HLCS: variants seen among roughly 807,000 people sequenced by gnomAD.
HLCS encodes the protein holocarboxylase synthetase, also known as biotin--protein ligase.
HLCS carries 53 observed loss-of-function variants against 75.0 expected under a neutral mutation model. That is an observed-to-expected ratio of 0.71 (90% CI 0.57 to 0.89). HLCS has a LOEUF of 0.89. HLCS is among the 40% of genes least tolerant of loss of function. The pLI is 0.00. For missense variants in HLCS, 966 were observed against 1,074.0 expected (o/e 0.90, Z 1.41); for synonymous variants, 431 against 428.6 (o/e 1.01, Z -0.07).
intron 8 of HLCS, among the ~76,000 whole-genome samples, chr21:36,760,783 C>T (rs1324024462): frequency 6.6e-6 from 1 of 152,196 alleles, no homozygotes. Flanking sequence ...TCCCTGTCAT[C>T]AGCTTACAGA....
chr21:36,955,254 A>T (rs2067879336), intron 2 of HLCS, among the ~76,000 whole-genome samples: 1 of 152,146 alleles, frequency 6.6e-6, no homozygotes, highest in African/African-American at 2.4e-5. Context: ...AGCCTAGACT[A>T]ATGTGTGTGT....
chr21:36,809,859 C>T (rs908673380), intron 6 of HLCS, among the ~76,000 whole-genome samples: 1 of 152,310 alleles, frequency 6.6e-6, no homozygotes, highest in Non-Finnish European at 1.5e-5. Flanking sequence ...CCACCTGAGC[C>T]TCCCCAGTAG....
At chr21:36,952,444 G>C (rs2067710531) in intron 2 of HLCS, among the ~76,000 whole-genome samples, 11 of 152,122 alleles carry the variant, frequency 7.2e-5, no homozygotes, top group African/African-American at 2.7e-4. Flanking sequence ...TAGTTAACTG[G>C]ACTGTGGCAA....
intron 6 of HLCS, among the ~76,000 whole-genome samples, chr21:36,811,548 C>G (rs1250547323): frequency 2.6e-5 from 4 of 152,196 alleles, no homozygotes; most frequent in African/African-American, 9.7e-5. Flanking sequence ...TAATGCATGT[C>G]CCATCTGCAA....
chr21:36,877,976 T>C (rs909246489), intron 6 of HLCS, among the ~76,000 whole-genome samples: 8 of 152,158 alleles, frequency 5.3e-5, no homozygotes, highest in African/African-American at 1.9e-4. Flanking sequence ...CTGCATGAAA[T>C]GCTGTTTTCC....
At chr21:36,781,444 G>C (rs1222064960) in intron 6 of HLCS, among the ~76,000 whole-genome samples, 1 of 151,946 alleles carries the variant, frequency 6.6e-6, no homozygotes, top group Non-Finnish European at 1.5e-5. Flanking sequence ...ATCTTGTGTT[G>C]ATTGTGCATA....
intron 5 of HLCS, among the ~76,000 whole-genome samples, chr21:36,917,891 G>A (rs1316623330): frequency 3.3e-5 from 5 of 150,354 alleles, no homozygotes; most frequent in Non-Finnish European, 7.4e-5. Flanking sequence ...AAATCCAAAC[G>A]AAGGTGTGAC....
chr21:36,869,412 G>T (rs1048740453), intron 6 of HLCS, among the ~76,000 whole-genome samples: 1 of 152,132 alleles, frequency 6.6e-6, no homozygotes, highest in Non-Finnish European at 1.5e-5. Context: ...GGTTACAGGC[G>T]TGAGCCACCG....
chr21:36,754,321 G>T lies in HLCS; in HGVS notation c.2547C>A (p.Gly849=). The part of the protein sequence containing the change: ...SGFLQVHQEG[G]EVVTVHPDGN... ...CGTCCGGGTGCACAGTCACAACCTC[G>T]CCGCCCTCCTGGTGAACCTGGAGGA... Residue 849 remains glycine, a synonymous_variant, in exon 11 of 11, where the codon GGC becomes GGA. Transcript: ENST00000674895. 1 of 1,613,996 alleles carries T rather than the reference G, an allele frequency of 6.2e-7. No individual in the cohort carries two copies. The highest frequency in any genetic ancestry group is 1.1e-5 in the South Asian group (1 of 91,042).
intron 6 of HLCS, among the ~76,000 whole-genome samples, chr21:36,787,326 T>C (rs1008076754): frequency 6.6e-6 from 1 of 152,152 alleles, no homozygotes; most frequent in African/African-American, 2.4e-5. Flanking sequence ...CCTCTGTTCC[T>C]AACCACAATG....
chr21:36,889,813 G>A (rs1338517622), intron 6 of HLCS, among the ~76,000 whole-genome samples: 1 of 152,164 alleles, frequency 6.6e-6, no homozygotes, highest in Non-Finnish European at 1.5e-5. Flanking sequence ...AAACCTACTA[G>A]GAAATAGCAC....
At chr21:36,896,813 A>G (rs1480514749) in intron 6 of HLCS, 47 bp downstream of exon 6, 2 of 1,605,336 alleles carry the variant, frequency 1.2e-6, no homozygotes, top group South Asian at 1.1e-5. Flanking sequence ...AGGATGATCA[A>G]TGGAACAGGA....
chr21:36,930,943 C>A (rs2066608893), intron 4 of HLCS, among the ~76,000 whole-genome samples: 1 of 152,188 alleles, frequency 6.6e-6, no homozygotes, highest in Admixed American at 6.5e-5. Context: ...GTTCCACACT[C>A]ATCAGTCATA....
intron 6 of HLCS, among the ~76,000 whole-genome samples, chr21:36,787,607 T>C (rs943521142): frequency 4.6e-5 from 7 of 152,162 alleles, no homozygotes; most frequent in African/African-American, 1.4e-4. Context: ...ATGGACATGA[T>C]GGAAAGCTCC....
At chr21:36,934,354 G>A (rs999738522) in intron 4 of HLCS, among the ~76,000 whole-genome samples, 3 of 152,186 alleles carry the variant, frequency 2.0e-5, no homozygotes, top group East Asian at 1.9e-4. Flanking sequence ...TTGTTGCCAC[G>A]AAGAATTCTC....
At chr21:36,756,213 C>A (rs547228125) in intron 10 of HLCS, among the ~76,000 whole-genome samples, 1 of 151,916 alleles carries the variant, frequency 6.6e-6, no homozygotes, top group South Asian at 2.1e-4. Context: ...CCAAGGCGGG[C>A]AGATCACAAG....
chr21:36,786,196 T>C (rs2060681371), intron 6 of HLCS, among the ~76,000 whole-genome samples: 1 of 152,202 alleles, frequency 6.6e-6, no homozygotes, highest in Non-Finnish European at 1.5e-5. Flanking sequence ...ATTTGTTAAT[T>C]GTTGAGAGTG....
intron 2 of HLCS, chr21:36,948,379 G>A (rs1177127675): frequency 6.6e-6 from 1 of 151,748 alleles, no homozygotes; most frequent in Non-Finnish European, 1.5e-5. Flanking sequence ...TGTCTTTTGT[G>A]TTTGGAAATA....
intron 5 of HLCS, among the ~76,000 whole-genome samples, chr21:36,919,783 T>C (rs187033119): frequency 1.1e-4 from 16 of 152,346 alleles, no homozygotes; most frequent in Admixed American, 9.1e-4. Flanking sequence ...CATTATTTCA[T>C]TGTGCTGAAA....
Sources: gnomAD v4.1 joint callset for allele counts (sites outside exome capture counted in the v4.1 genomes callset) on GRCh38, gnomAD v4.1.1 for gene constraint, MANE v1.5 for transcripts, NCBI Gene and HGNC (gene_info 2026-07-23, HGNC 2026-07-21) for gene names.